The following BCKDHB variants were observed in gnomAD, a reference collection of about 807,000 sequenced individuals.
The protein encoded by BCKDHB is branched chain keto acid dehydrogenase E1 subunit beta, also known as 2-oxoisovalerate dehydrogenase subunit beta, mitochondrial.
A neutral mutation model predicts 48.5 loss-of-function variants in BCKDHB; 41 were observed. The observed-to-expected ratio is 0.85, with a 90% CI of 0.66 to 1.10. The LOEUF (loss-of-function observed/expected upper bound fraction) is 1.10, where lower values mean the gene tolerates loss of function less well. Ranked by LOEUF, BCKDHB falls within the 50% of genes least tolerant of loss-of-function variation. The pLI is 0.00. For missense variants in BCKDHB, 496 were observed against 494.2 expected (o/e 1.00, Z -0.03); for synonymous variants, 201 against 174.8 (o/e 1.15, Z -1.18).
the BCKDHB span, among the ~76,000 whole-genome samples, chr6:80,408,907 C>G: frequency 6.6e-6 from 1 of 151,180 alleles, no homozygotes; most frequent in South Asian, 2.1e-4. Context: ...TTTCTTGCCT[C>G]CTGCTAGCTT....
intron 9 of BCKDHB, among the ~76,000 whole-genome samples, chr6:80,332,258 G>C (rs1769350317): frequency 6.6e-6 from 1 of 152,164 alleles, no homozygotes; most frequent in Non-Finnish European, 1.5e-5. Context: ...CTTGAAGCTG[G>C]AGAGTGCAGT....
chr6:80,326,374 T>G (rs1228314552), intron 9 of BCKDHB, among the ~76,000 whole-genome samples: 1 of 152,156 alleles, frequency 6.6e-6, no homozygotes, highest in Non-Finnish European at 1.5e-5. Context: ...ATTTGAGACC[T>G]TTATTGTTGA....
the BCKDHB span, among the ~76,000 whole-genome samples, chr6:80,442,320 A>G: frequency 6.6e-6 from 1 of 152,340 alleles, no homozygotes; most frequent in Admixed American, 6.5e-5. Flanking sequence ...ATTCACATGT[A>G]GACCATATAA....
At chr6:80,116,048 AT>A (rs746380403) in intron 1 of BCKDHB, among the ~76,000 whole-genome samples, 2 of 152,176 alleles carry the variant, frequency 1.3e-5, no homozygotes, top group Non-Finnish European at 2.9e-5. Context: ...ATAGCTGTAT[AT>A]TTTTATGTGT....
intron 9 of BCKDHB, among the ~76,000 whole-genome samples, chr6:80,304,693 A>G (rs1767765673): frequency 1.3e-5 from 2 of 152,176 alleles, no homozygotes; most frequent in East Asian, 1.9e-4. Flanking sequence ...CAAAGTTTTT[A>G]TAGCAAACTG....
the BCKDHB span, among the ~76,000 whole-genome samples, chr6:80,406,237 T>G: frequency 6.6e-6 from 1 of 152,244 alleles, no homozygotes; most frequent in Non-Finnish European, 1.5e-5. Context: ...GATGGACATT[T>G]GGGTTTGTTC....
intron 8 of BCKDHB, among the ~76,000 whole-genome samples, chr6:80,208,409 A>G (rs1030647985): frequency 1.3e-5 from 2 of 151,772 alleles, no homozygotes; most frequent in African/African-American, 4.8e-5. Context: ...AATGATCTGA[A>G]TTTCCATCTC....
At chr6:80,251,617 A>G (rs1049224106) in intron 8 of BCKDHB, 1 of 152,204 alleles carries the variant, frequency 6.6e-6, no homozygotes, top group African/African-American at 2.4e-5. Flanking sequence ...TCAAGAGACA[A>G]CTTCTACTCC....
At chr6:80,382,691 T>G in the BCKDHB span, among the ~76,000 whole-genome samples, 1 of 152,278 alleles carries the variant, frequency 6.6e-6, no homozygotes. Flanking sequence ...TGTCTTGATA[T>G]ATATATATAT....
rs910111306 is a variant in BCKDHB, at chr6:80,199,719, A to G, written c.743-1215A>G. On this transcript the variant is annotated intron_variant, in intron 6 of 9. Transcript: ENST00000320393. ...CAGGAGGCAGAGGTTGCAGTGAGCT[A>G]TAAGATTGTGCCACTCCACTCCAGC... 4.3e-5 allele frequency among the ~76,000 whole-genome samples: 6 copies of G among 140,338 alleles called. No homozygotes were observed. The East Asian group carries it at 6.8e-4, about 16-fold the overall frequency. 92.1% of individuals were successfully genotyped at this position (140,338 alleles called of 152,430 possible).
At chr6:80,308,969 T>C (rs1055567472) in intron 9 of BCKDHB, among the ~76,000 whole-genome samples, 19 of 152,164 alleles carry the variant, frequency 1.2e-4, no homozygotes, top group African/African-American at 4.6e-4. Flanking sequence ...TGCTATAGTT[T>C]ATTGTGTACT....
At chr6:80,327,826 T>C (rs1464251120) in intron 9 of BCKDHB, among the ~76,000 whole-genome samples, 1 of 152,142 alleles carries the variant, frequency 6.6e-6, no homozygotes, top group East Asian at 1.9e-4. Context: ...AAAAAGTGTT[T>C]AATGATTTCA....
intron 8 of BCKDHB, among the ~76,000 whole-genome samples, chr6:80,222,777 A>T (rs1308037273): frequency 6.6e-6 from 1 of 152,210 alleles, no homozygotes; most frequent in Non-Finnish European, 1.5e-5. Context: ...AGAATCGTGA[A>T]GTAGGTAGAA....
chr6:80,219,160 A>C (rs1775300432), intron 8 of BCKDHB, among the ~76,000 whole-genome samples: 1 of 151,284 alleles, frequency 6.6e-6, no homozygotes, highest in African/African-American at 2.4e-5. Flanking sequence ...CAAGCCTTTA[A>C]AATATCTTGA....
At chr6:80,417,269 C>T in the BCKDHB span, among the ~76,000 whole-genome samples, 1 of 152,042 alleles carries the variant, frequency 6.6e-6, no homozygotes. Flanking sequence ...CTCTCAGAGA[C>T]ATTATATCAG....
At chr6:80,318,288 T>C (rs929637768) in intron 9 of BCKDHB, among the ~76,000 whole-genome samples, 3 of 152,154 alleles carry the variant, frequency 2.0e-5, no homozygotes, top group African/African-American at 7.2e-5. Context: ...GAGAAGGACA[T>C]GAAATACAAG....
chr6:80,307,971 C>T lies in BCKDHB; in HGVS notation c.1038+34750C>T, dbSNP rs1309466306. 3.2e-6 allele frequency: 3 copies of T among 932,418 alleles called. No homozygotes were observed. The East Asian group carries it at 3.5e-4, about 109-fold the overall frequency. 57.8% of individuals were successfully genotyped at this position (932,418 alleles called of 1,614,324 possible). On this transcript the variant is annotated intron_variant, in intron 9 of 9. Coordinates refer to ENST00000320393, the MANE Select transcript of BCKDHB (RefSeq NM_183050.4). ...TTAATCTAGCAAAAAATTTTGAATG[C>T]CAGATACTGCAAAGAATTCTACAAT...
At chr6:80,313,966 G>C (rs1182424158) in intron 9 of BCKDHB, among the ~76,000 whole-genome samples, 1 of 152,078 alleles carries the variant, frequency 6.6e-6, no homozygotes, top group East Asian at 1.9e-4. Flanking sequence ...GTGGTGCTTT[G>C]TATCTTTGTT....
At chr6:80,158,917 C>T (rs2127763522) in intron 3 of BCKDHB, among the ~76,000 whole-genome samples, 1 of 152,300 alleles carries the variant, frequency 6.6e-6, no homozygotes, top group Middle Eastern at 3.4e-3. Flanking sequence ...TGACGATTAC[C>T]TTGATGACAG....
Sources: allele counts gnomAD v4.1 joint callset (sites outside exome capture counted in the v4.1 genomes callset), GRCh38; gene constraint gnomAD v4.1.1; transcripts MANE v1.5; gene names NCBI Gene and HGNC (gene_info 2026-07-23, HGNC 2026-07-21).